MUC5B: variants seen among roughly 807,000 people sequenced by gnomAD.
MUC5B encodes the protein mucin-5B.
Under a neutral mutation model 376.9 loss-of-function variants are expected in MUC5B, and 116 were observed. That is an observed-to-expected ratio of 0.31 (90% confidence interval 0.26 to 0.36). MUC5B has a LOEUF of 0.36. Among genes scored for constraint, MUC5B ranks in the 10% least tolerant of loss-of-function variants. MUC5B has a pLI of 1.00. For synonymous variants in MUC5B, 3,517 were observed against 3,390.9 expected, an observed-to-expected ratio of 1.04 and a Z score of -1.29; for missense variants, 7,165 against 7,769.9, an observed-to-expected ratio of 0.92 and a Z score of 2.93.
In MUC5B at chr11:1,247,223, C is replaced by G. The variant is rs370339341; in HGVS notation, c.10343C>G (p.Pro3448Arg). ...ALGTTHTPPV[P>R]NTTATTHGRS... ...GGGACCACCCACACACCCCCAGTGC[C>G]GAACACCACGGCCACCACACACGGG... Residue 3448 changes from proline (P) to arginine (R), a missense_variant, in exon 31 of 49, where the codon CCG becomes CGG. Around this residue, in one of 31 missense-constraint regions of MUC5B, gnomAD observed 939 missense variants for 770.6 expected, o/e 1.22. Transcript: ENST00000529681. 1 of 1,573,902 alleles carries G rather than the reference C, an allele frequency of 6.4e-7. No individual in the cohort carries two copies. Among genetic ancestry groups the G allele is most frequent in the Admixed American group, 1.7e-5 (1 of 59,670 alleles).
At chr11:1,226,334 G>C in intron 3 of MUC5B, 58 bp downstream of exon 3, 1 of 1,535,230 alleles carries the variant, frequency 6.5e-7, no homozygotes, top group South Asian at 1.2e-5. Context: ...CCCAAAGGTG[G>C]GGGCCCAGAT....
rs200824477 is a variant in MUC5B, at chr11:1,253,859, CAA to C, written c.15218-231_15218-230del. On this transcript the variant is annotated intron_variant, in intron 33 of 48. Transcript: ENST00000529681. This position sits in a 1 kb window ranked among gnomAD's most constrained non-coding sequence, Gnocchi z 4.3. The stretch of plus-strand genomic sequence containing the variant: ...AAGATGCTTCCCTTAATCCCATCTG[CAA>C]AGACACTTTCTCCCGGCAAAGCCAC... Among the ~76,000 whole-genome samples the C allele has an allele frequency of 0.023, 3,466 of 152,326 alleles. 54 individuals carry two copies. The highest frequency in any genetic ancestry group is 0.033 in the Non-Finnish European group (2,219 of 68,024).
At chr11:1,223,502 A>C in intron 1 of MUC5B, 28 of 393,108 alleles carry the variant, frequency 7.1e-5, no homozygotes, top group Middle Eastern at 6.6e-4. Context: ...GGAGTGGGCA[A>C]TGGGGGAGGG....
chr11:1,228,154 A>G (rs775096225), intron 7 of MUC5B, among the ~76,000 whole-genome samples: 3 of 152,152 alleles, frequency 2.0e-5, no homozygotes, highest in Admixed American at 6.5e-5. Flanking sequence ...TGTGCTGTGA[A>G]TGACAGCATG....
Position 1,227,793 on chromosome 11 carries a change from G to A in MUC5B, c.774+12G>A, listed in dbSNP as rs368290527. On this transcript the variant is annotated intron_variant, in intron 7 of 48. Transcript: ENST00000529681. Reference sequence around the variant, plus strand: ...ACTGCACGGACGAGGTGAGTCCCCCGCCACCCCCAGCTCCTGGGCAGGGAC... The same window carrying A: ...ACTGCACGGACGAGGTGAGTCCCCCACCACCCCCAGCTCCTGGGCAGGGAC... 4.3e-5 allele frequency: 30 copies of A among 699,358 alleles called. No individual in the cohort carries two copies. The African/African-American group carries it at 4.6e-4, about 11-fold the overall frequency. 43.3% of individuals were successfully genotyped at this position (699,358 alleles called of 1,614,324 possible).
chr11:1,239,135 C>A, intron 26 of MUC5B, 108 bp downstream of exon 26: 1 of 1,330,462 alleles, frequency 7.5e-7, no homozygotes, highest in Non-Finnish European at 1.0e-6. Context: ...CGCACACAGA[C>A]ATCCAACACG....
At chr11:1,237,306 G>A in intron 25 of MUC5B, 142 bp downstream of exon 25, 2 of 1,118,942 alleles carry the variant, frequency 1.8e-6, no homozygotes, top group African/African-American at 1.6e-5. Flanking sequence ...TGGATGTCAG[G>A]TCCCAAGTCC....
In MUC5B at chr11:1,256,718, C is replaced by A; in HGVS notation, c.16184C>A (p.Pro5395His). 1 of 1,564,594 alleles carries A rather than the reference C, an allele frequency of 6.4e-7. No individual in the cohort carries two copies. Among genetic ancestry groups the A allele is most frequent in the East Asian group, 2.4e-5 (1 of 41,860 alleles). Residue 5395 changes from proline to histidine, a missense_variant, in exon 39 of 49, where the codon CCT becomes CAT. By Grantham distance (77) the Pro-to-His change is moderately conservative. Transcript: ENST00000529681. ...LEGMAEGCFC[P>H]EDQILFNAHM... Reference sequence around the variant, plus strand: ...GGGATGGCGGAGGGCTGCTTCTGCCCTGAGGACCAGATCCTCTTCAACGCA... The same window carrying A: ...GGGATGGCGGAGGGCTGCTTCTGCCATGAGGACCAGATCCTCTTCAACGCA...
Position 1,247,125 on chromosome 11 carries a change from C to A in MUC5B, c.10245C>A (p.Ile3415=), listed in dbSNP as rs779255372. The A allele has an allele frequency of 4.0e-5, 62 of 1,568,606 alleles. No individual in the cohort carries two copies. Among genetic ancestry groups the A allele is most frequent in the Non-Finnish European group, 2.6e-6 (3 of 1,157,592 alleles). Residue 3415 remains isoleucine, a synonymous_variant, in exon 31 of 49, where the codon ATC becomes ATA. Coordinates refer to ENST00000529681, the MANE Select transcript of MUC5B (RefSeq NM_002458.3). ...CCTCAACTCCAGGGACAACTCCCAT[C>A]CCCCCAGTGCTGACCACCACCGCCA... is the stretch of plus-strand genomic sequence containing the variant. ...NPSSTPGTTP[I]PPVLTTTATT...
Position 1,247,102 on chromosome 11 carries a change from T to G in MUC5B, c.10222T>G (p.Ser3408Ala). Residue 3408 changes from serine (S) to alanine (A), a missense_variant, in exon 31 of 49, where the codon TCA (serine) becomes GCA (alanine). Physicochemically the swap from Ser to Ala is moderately conservative, Grantham distance 99. This residue lies in a region of MUC5B where 939 missense variants were observed against 770.6 expected (regional missense o/e 1.22). Coordinates refer to ENST00000529681, the MANE Select transcript of MUC5B (RefSeq NM_002458.3). Reference sequence around the variant, plus strand: ...CACCGGCTCCACCACCAACCCCTCCTCAACTCCAGGGACAACTCCCATCCC... The same window carrying G: ...CACCGGCTCCACCACCAACCCCTCCGCAACTCCAGGGACAACTCCCATCCC... ...TATGSTTNPSSTPGTTPIPPV... is the reference protein window; with the variant it reads ...TATGSTTNPSATPGTTPIPPV... The G allele has an allele frequency of 6.4e-7, 1 of 1,562,192 alleles. No individual in the cohort carries two copies. The highest frequency in any genetic ancestry group is 1.2e-5 in the South Asian group (1 of 86,148).
rs536073342 is a variant in MUC5B at position 1,239,366 on chromosome 11, G to A, written c.3455-72G>A. On this transcript the variant is annotated intron_variant, in intron 26 of 48. Transcript: ENST00000529681. ...GGGGACACCGGCCCCCACGCCCGGG[G>A]TAGGGGCTGCCCTGCACAACAGGGG... is the stretch of plus-strand genomic sequence containing the variant. 41 of 1,528,362 alleles carry A rather than the reference G, an allele frequency of 2.7e-5. No individual in the cohort carries two copies. In the South Asian group the frequency reaches 4.7e-4, roughly 17 times the overall value. The allele number at this position is 1,528,362 out of a possible 1,614,324, so 94.7% of individuals were successfully genotyped here.
chr11:1,253,356 G>A lies in MUC5B; in HGVS notation c.15217+376G>A, dbSNP rs1862753763. On this transcript the variant is annotated intron_variant, in intron 33 of 48. Coordinates refer to ENST00000529681, the MANE Select transcript of MUC5B (RefSeq NM_002458.3). This position sits in a 1 kb window ranked among gnomAD's most constrained non-coding sequence, Gnocchi z 4.3. Reference sequence around the variant, plus strand: ...CTCTGCACATCAGCCTGTGTGGTTTGAAAGGGACCCTGCCCAGGGGCTTCT... The same window carrying A: ...CTCTGCACATCAGCCTGTGTGGTTTAAAAGGGACCCTGCCCAGGGGCTTCT... 6.6e-6 allele frequency among the ~76,000 whole-genome samples: 1 copy of A among 152,148 alleles called. No individual in the cohort carries two copies. The highest frequency in any genetic ancestry group is 2.4e-5 in the African/African-American group (1 of 41,432).
chr11:1,259,285 T>G lies in MUC5B; in HGVS notation c.16713+224T>G, dbSNP rs1324022139. ...CACCTGCCCCCAGGTGAGACCTGAG[T>G]CACCTGCCCCCAGGTGAGCCACCAA... On this transcript the variant is annotated intron_variant, in intron 44 of 48. Coordinates refer to ENST00000529681, the MANE Select transcript of MUC5B (RefSeq NM_002458.3). 4.0e-4 allele frequency among the ~76,000 whole-genome samples: 42 copies of G among 104,476 alleles called. No homozygotes were observed. In the East Asian group the frequency reaches 8.3e-3, roughly 21 times the overall value. 68.5% of individuals were successfully genotyped at this position (104,476 alleles called of 152,430 possible). A position where few individuals can be genotyped will look rare whatever the true frequency, so the allele number is the denominator to read the frequency against.
chr11:1,229,348 A>C (rs1385702098), intron 9 of MUC5B, 53 bp downstream of exon 9: 1 of 1,477,850 alleles, frequency 6.8e-7, no homozygotes, highest in Non-Finnish European at 9.0e-7. Flanking sequence ...CCCTGCTCCC[A>C]ACCCCGCCCC....
At chr11:1,252,290 G>A in intron 31 of MUC5B, 53 bp from the exon 32 acceptor site, 1 of 1,501,976 alleles carries the variant, frequency 6.7e-7, no homozygotes, top group Non-Finnish European at 8.9e-7. Flanking sequence ...CCAGAACTCT[G>A]GCTTACCCAT....
rs139960671 is a variant in MUC5B, at chr11:1,245,369, C to T, written c.8489C>T (p.Pro2830Leu). Residue 2830 changes from proline (P) to leucine (L), a missense_variant, in exon 31 of 49, where the codon CCG becomes CTG. By Grantham distance (98) the Pro-to-Leu change is moderately conservative. This residue lies in a region of MUC5B where 50 missense variants were observed against 66.4 expected (regional missense o/e 0.75). Coordinates refer to ENST00000529681, the MANE Select transcript of MUC5B (RefSeq NM_002458.3). ...ESPPSPGTTT[P>L]GHTRATSRTT... Reference sequence around the variant, plus strand: ...CCCCCTTCTCCAGGGACGACCACCCCGGGCCACACCAGGGCCACCTCCAGG... The same window carrying T: ...CCCCCTTCTCCAGGGACGACCACCCTGGGCCACACCAGGGCCACCTCCAGG... 292,143 of 1,568,878 alleles carry T rather than the reference C, an allele frequency of 0.19. 54,294 individuals carry two copies. Among genetic ancestry groups the T allele is most frequent in the Non-Finnish European group, 0.21 (238,826 of 1,155,820 alleles).
chr11:1,248,378 C>T lies in MUC5B; in HGVS notation c.11498C>T (p.Thr3833Ile). Residue 3833 changes from threonine (T) to isoleucine (I), a missense_variant, in exon 31 of 49, where the codon ACC (threonine) becomes ATC (isoleucine). Physicochemically the swap from Thr to Ile is moderately conservative, Grantham distance 89. Coordinates refer to ENST00000529681, the MANE Select transcript of MUC5B (RefSeq NM_002458.3). The part of the protein sequence containing the change: ...TPSSTPETAH[T>I]STVLTTTATT... ...TCCTCCACTCCAGAGACTGCCCACA[C>T]CTCCACAGTGCTTACCACCACGGCC... is the stretch of plus-strand genomic sequence containing the variant. The T allele has an allele frequency of 6.2e-7, 1 of 1,612,968 alleles. No individual in the cohort carries two copies. The highest frequency in any genetic ancestry group is 8.5e-7 in the Non-Finnish European group (1 of 1,179,554).
At chr11:1,235,804 C>G (rs766401313) in intron 23 of MUC5B, among the ~76,000 whole-genome samples, 13 of 151,866 alleles carry the variant, frequency 8.6e-5, no homozygotes, top group Non-Finnish European at 1.6e-4. Context: ...GGCCCCCCCC[C>G]GCCCCCACGT....
Position 1,243,621 on chromosome 11 carries a change from C to A in MUC5B, c.6741C>A (p.His2247Gln), listed in dbSNP as rs1862361028. Residue 2247 changes from histidine (H) to glutamine (Q), a missense_variant, in exon 31 of 49, where the codon CAC becomes CAA. Physicochemically the swap from His to Gln is conservative, Grantham distance 24. Transcript: ENST00000529681. ...TLAATTGTTQ[H>Q]STPALSSPHP... Reference sequence around the variant, plus strand: ...CAGCAACCACCGGTACCACCCAGCACTCGACTCCAGCCCTTTCCAGCCCTC... The same window carrying A: ...CAGCAACCACCGGTACCACCCAGCAATCGACTCCAGCCCTTTCCAGCCCTC... 3.7e-6 allele frequency: 6 copies of A among 1,610,586 alleles called. No individual in the cohort carries two copies. Among genetic ancestry groups the A allele is most frequent in the Non-Finnish European group, 5.1e-6 (6 of 1,179,164 alleles).
Sources: allele counts gnomAD v4.1 joint callset (sites outside exome capture counted in the v4.1 genomes callset), GRCh38; gene constraint gnomAD v4.1.1; regional missense constraint gnomAD v4.1.1; non-coding constraint Gnocchi (gnomAD v3.1); transcripts MANE v1.5; gene names NCBI Gene and HGNC (gene_info 2026-07-23, HGNC 2026-07-21).